CHODL: variants seen among roughly 807,000 people sequenced by gnomAD.
CHODL encodes the protein chondrolectin, also known as transmembrane protein MT75.
Under a neutral mutation model 34.5 loss-of-function variants are expected in CHODL, and 29 were observed. The ratio of observed to expected loss-of-function variants is 0.84; its 90% confidence interval spans 0.63 to 1.15. CHODL has a LOEUF of 1.15. Ranked by LOEUF, CHODL falls within the 50% of genes most tolerant of loss-of-function variation. The pLI, the probability that CHODL is intolerant of heterozygous loss-of-function variation, is 0.00. For synonymous variants in CHODL, 125 were observed against 116.1 expected (o/e 1.08, Z -0.49); for missense variants, 332 against 332.5 (o/e 1.00, Z 0.01).
intron 1 of CHODL, among the ~76,000 whole-genome samples, chr21:18,011,378 A>G (rs186672560): frequency 1.3e-5 from 2 of 152,338 alleles, no homozygotes; most frequent in South Asian, 2.1e-4. Context: ...AGATCAGTGC[A>G]TGGGAGATAA....
upstream of CHODL, among the ~76,000 whole-genome samples, chr21:18,240,109 A>G (rs1048374150): frequency 6.6e-6 from 1 of 152,002 alleles, no homozygotes; most frequent in Non-Finnish European, 1.5e-5. Flanking sequence ...TGTTTTTCAG[A>G]CCCCGCATAA....
intron 2 of CHODL, among the ~76,000 whole-genome samples, chr21:18,216,135 G>A (rs2146730625): frequency 6.7e-6 from 1 of 149,480 alleles, no homozygotes; most frequent in Non-Finnish European, 1.5e-5. Flanking sequence ...GTTTTTTTAT[G>A]GTTTGTTGGA....
At chr21:18,129,339 A>G (rs1345246558) in intron 2 of CHODL, among the ~76,000 whole-genome samples, 1 of 151,978 alleles carries the variant, frequency 6.6e-6, no homozygotes, top group African/African-American at 2.4e-5. Flanking sequence ...TTATTCTAAT[A>G]CTGAATTGAT....
chr21:18,257,147 G>A lies in CHODL; in HGVS notation c.547+20G>A. On this transcript the variant is annotated intron_variant, in intron 3 of 5. Transcript: ENST00000299295. Reference sequence around the variant, plus strand: ...AACCAGGTAAGCAGTAGCAAAAGAAGGTATAGAAGATTTTGTGCATGTTTA... The same window carrying A: ...AACCAGGTAAGCAGTAGCAAAAGAAAGTATAGAAGATTTTGTGCATGTTTA... 1 of 1,583,208 alleles carries A rather than the reference G, an allele frequency of 6.3e-7. No homozygotes were observed. The highest frequency in any genetic ancestry group is 8.6e-7 in the Non-Finnish European group (1 of 1,165,032).
intron 1 of CHODL, among the ~76,000 whole-genome samples, chr21:17,934,348 G>C (rs1460063176): frequency 6.6e-6 from 1 of 152,096 alleles, no homozygotes; most frequent in East Asian, 1.9e-4. Flanking sequence ...TCTAGAATTT[G>C]GGGTATTTCA....
intron 2 of CHODL, among the ~76,000 whole-genome samples, chr21:18,087,960 G>A (rs204008): frequency 1.1e-4 from 17 of 152,246 alleles, no homozygotes; most frequent in African/African-American, 3.9e-4. Flanking sequence ...AAGGAGGCAC[G>A]ATCTTCACAT....
chr21:18,027,777 A>G (rs939214222), intron 1 of CHODL: 1 of 152,436 alleles, frequency 6.6e-6, no homozygotes, highest in Non-Finnish European at 1.5e-5. Context: ...GGAGGTAATT[A>G]GATCATGAGA....
intron 1 of CHODL, among the ~76,000 whole-genome samples, chr21:18,027,586 G>A (rs1568850469): frequency 6.6e-6 from 1 of 152,122 alleles, no homozygotes; most frequent in Non-Finnish European, 1.5e-5. Context: ...TAGGTAAAGT[G>A]CGATGCCTTT....
Position 18,186,179 on chromosome 21 carries a change from A to T in CHODL, c.-44-70330A>T, listed in dbSNP as rs73316212. Among the ~76,000 whole-genome samples the T allele has an allele frequency of 2.1e-3, 321 of 152,218 alleles. 2 individuals are homozygous for T. The highest frequency in any genetic ancestry group is 6.9e-3 in the African/African-American group (285 of 41,524). On this transcript the variant is annotated intron_variant, in intron 2 of 6. Coordinates refer to the CHODL transcript ENST00000400127. ...AGCAGAACGACCCTACCGACTGCAG[A>T]GGTGGCTCTAGCAGCACTTAGCTCA...
At chr21:18,092,982 G>A (rs113196993) in intron 2 of CHODL, among the ~76,000 whole-genome samples, 5,924 of 152,148 alleles carry the variant, frequency 0.039, 377 homozygotes, top group African/African-American at 0.13. Context: ...ATTCAAGTAC[G>A]AGAAGGTTAT....
chr21:17,995,542 A>G (rs1193477829), intron 1 of CHODL, among the ~76,000 whole-genome samples: 2 of 151,994 alleles, frequency 1.3e-5, no homozygotes, highest in East Asian at 3.9e-4. Flanking sequence ...GTGGTTATCT[A>G]CTTGCTGTTT....
At chr21:17,971,922 G>C (rs898912741) in intron 1 of CHODL, among the ~76,000 whole-genome samples, 8 of 152,148 alleles carry the variant, frequency 5.3e-5, no homozygotes, top group African/African-American at 1.9e-4. Context: ...ATAAAATACT[G>C]GCAAACTGAA....
intron 2 of CHODL, among the ~76,000 whole-genome samples, chr21:18,142,258 T>G (rs923690208): frequency 5.9e-5 from 9 of 152,134 alleles, no homozygotes; most frequent in African/African-American, 1.9e-4. Context: ...AGCTCATTCA[T>G]GAGAAAAATG....
chr21:18,044,750 C>T (rs781711957), intron 2 of CHODL, among the ~76,000 whole-genome samples: 1 of 151,838 alleles, frequency 6.6e-6, no homozygotes, highest in Non-Finnish European at 1.5e-5. Flanking sequence ...TATCCTGGTC[C>T]TCTTGATTAA....
intron 2 of CHODL, among the ~76,000 whole-genome samples, chr21:18,132,997 G>A (rs1198161526): frequency 1.3e-5 from 2 of 151,820 alleles, no homozygotes; most frequent in Non-Finnish European, 2.9e-5. Flanking sequence ...GAAACTATTG[G>A]CAATTCTGTA....
At chr21:18,148,884 CAAAA>C (rs11285949) in intron 2 of CHODL, among the ~76,000 whole-genome samples, 4 of 139,988 alleles carry the variant, frequency 2.9e-5, no homozygotes, top group Admixed American at 7.1e-5. Context: ...TATTGGCTGT[CAAAA>C]AAAAAAAAAA....
intron 2 of CHODL, among the ~76,000 whole-genome samples, chr21:18,213,505 G>A (rs1379183145): frequency 6.6e-6 from 1 of 152,070 alleles, no homozygotes; most frequent in Admixed American, 6.6e-5. Context: ...GAGTACAGTA[G>A]CATGCTTCTA....
chr21:18,106,954 A>G (rs1411162553), intron 2 of CHODL, among the ~76,000 whole-genome samples: 1 of 152,170 alleles, frequency 6.6e-6, no homozygotes, highest in Non-Finnish European at 1.5e-5. Context: ...AGGAAAGAGT[A>G]TGCTTGAAAA....
intron 2 of CHODL, among the ~76,000 whole-genome samples, chr21:18,189,155 A>C (rs2073480752): frequency 6.6e-6 from 1 of 152,178 alleles, no homozygotes; most frequent in African/African-American, 2.4e-5. Context: ...AATTTAACAC[A>C]AGTGACTCCA....
Sources: allele counts gnomAD v4.1 joint callset (sites outside exome capture counted in the v4.1 genomes callset), GRCh38; gene constraint gnomAD v4.1.1; transcripts MANE v1.5; gene names NCBI Gene and HGNC (gene_info 2026-07-23, HGNC 2026-07-21).